The following WASHC2A variants were observed in gnomAD, a reference collection of about 807,000 sequenced individuals.
The protein encoded by WASHC2A is WASH complex subunit 2A, also known as WASH complex subunit FAM21A.
Under a neutral mutation model 140.3 loss-of-function variants are expected in WASHC2A, and 82 were observed. The observed-to-expected ratio is 0.58, with a 90% CI of 0.49 to 0.70. WASHC2A has a LOEUF of 0.70. Ranked by LOEUF, WASHC2A falls within the 30% of genes least tolerant of loss-of-function variation. WASHC2A has a pLI of 0.00. For missense variants in WASHC2A, 985 were observed against 1,521.8 expected, an observed-to-expected ratio of 0.65 and a Z score of 5.87; for synonymous variants, 340 against 560.8, an observed-to-expected ratio of 0.61 and a Z score of 5.56.
rs1842161307 is a variant in WASHC2A, at chr10:50,110,194, G to T, written c.1963G>T (p.Glu655Ter). Residue 655 changes from glutamate to a stop codon, truncating the protein, a stop_gained, in exon 20 of 31, where the codon GAG becomes TAG. Transcript: ENST00000282633. LOFTEE classifies it high-confidence loss of function. ...GGATTCTGGGACCCTCCAGAGCCAG[G>T]AGGCCAAGGCTGTGAAAAAGACCAG... The part of the protein sequence containing the change: ...PRDSGTLQSQ[E>*]AKAVKKTSLF... 6.2e-7 allele frequency: 1 copy of T among 1,611,776 alleles called. No homozygotes were observed. The highest frequency in any genetic ancestry group is 2.2e-5 in the East Asian group (1 of 44,874).
Position 50,129,645 on chromosome 10 carries a change from G to C in WASHC2A, c.3314G>C (p.Gly1105Ala). 6.2e-7 allele frequency: 1 copy of C among 1,612,096 alleles called. No individual in the cohort carries two copies. Among genetic ancestry groups the C allele is most frequent in the African/African-American group, 1.3e-5 (1 of 75,002 alleles). ...ALAAAAAPWEGGPVPGVDRSP... is the reference protein window; with the variant it reads ...ALAAAAAPWEAGPVPGVDRSP... ...GCAGCTGCCGCTGCACCTTGGGAAG[G>C]TGGTCCTGTGCCTGGAGTGGACAGA... The change falls in exon 29 of 31, where the codon GGT becomes GCT. Residue 1105 changes from glycine (G) to alanine (A), a missense_variant. Physicochemically the swap from Gly to Ala is moderately conservative, Grantham distance 60 (BLOSUM62 0). Coordinates refer to ENST00000282633, the MANE Select transcript of WASHC2A (RefSeq NM_001005751.3).
At position 50,072,397 on chromosome 10, in the gene WASHC2A, G is replaced by A. The variant is rs184441796; in HGVS notation, c.291+2686G>A. Among the ~76,000 whole-genome samples the A allele has an allele frequency of 1.6e-3, 237 of 150,480 alleles. 1 individual carries two copies. Among genetic ancestry groups the A allele is most frequent in the African/African-American group, 5.5e-3 (225 of 41,002 alleles). ...ATAGGTTTTTTTAATTTGTGGCAAA[G>A]CATGATAATACTGAGAAAACAGCTA... On this transcript the variant is annotated intron_variant, in intron 3 of 30. Coordinates refer to ENST00000282633, the MANE Select transcript of WASHC2A (RefSeq NM_001005751.3).
At chr10:50,078,904 T>C (rs1197591991) in intron 4 of WASHC2A, among the ~76,000 whole-genome samples, 167 bp downstream of exon 4, 1 of 152,240 alleles carries the variant, frequency 6.6e-6, no homozygotes, top group Non-Finnish European at 1.5e-5. Flanking sequence ...TGAAATGTAG[T>C]GTATTAACTA....
intron 29 of WASHC2A, among the ~76,000 whole-genome samples, 169 bp from the exon 30 acceptor site, chr10:50,130,732 G>A (rs1484505112): frequency 1.2e-4 from 18 of 152,310 alleles, no homozygotes; most frequent in East Asian, 3.9e-4. Flanking sequence ...TGAGATGGGC[G>A]GGCCAAGCTG....
At chr10:50,121,395 CTT>C (rs879039985) in intron 23 of WASHC2A, among the ~76,000 whole-genome samples, 49 of 132,472 alleles carry the variant, frequency 3.7e-4, no homozygotes, top group Admixed American at 3.7e-4. Context: ...TAGTAACTTT[CTT>C]TTTTTTTTTT....
intron 23 of WASHC2A, 38 bp from the exon 24 acceptor site, chr10:50,125,075 C>T (rs1215954921): frequency 6.2e-7 from 1 of 1,609,604 alleles, no homozygotes; most frequent in African/African-American, 1.3e-5. Context: ...TAAGTTCTTA[C>T]AGCTCTAATC....
At chr10:50,073,396 T>A (rs1554876882) in intron 3 of WASHC2A, among the ~76,000 whole-genome samples, 1 of 152,070 alleles carries the variant, frequency 6.6e-6, no homozygotes. Flanking sequence ...TATACATAAC[T>A]CTGACAAGCT....
intron 17 of WASHC2A, among the ~76,000 whole-genome samples, chr10:50,101,047 T>C (rs1841094863): frequency 6.6e-6 from 1 of 152,308 alleles, no homozygotes; most frequent in South Asian, 2.1e-4. Context: ...TAGGCTGTCA[T>C]GGTTGGGCTT....
In WASHC2A at chr10:50,129,945, A is replaced by G; in HGVS notation, c.3614A>G (p.Glu1205Gly). 1 of 1,612,018 alleles carries G rather than the reference A, an allele frequency of 6.2e-7. No individual in the cohort carries two copies. Among genetic ancestry groups the G allele is most frequent in the Non-Finnish European group, 8.5e-7 (1 of 1,179,860 alleles). The change falls in exon 29 of 31, where the codon GAG becomes GGG. Residue 1205 changes from glutamate to glycine, a missense_variant. Transcript: ENST00000282633. ...AATCCCTTTCCTCTCCTGGAAGATG[A>G]GGATGACCTCTTTACAGATCAGAAA... ...KTNPFPLLED[E>G]DDLFTDQKVK...
rs1837606301 is a variant in WASHC2A at position 50,069,539 on chromosome 10, T to A, written c.127-8T>A. 1.2e-6 allele frequency: 2 copies of A among 1,611,044 alleles called. No homozygotes were observed. The highest frequency in any genetic ancestry group is 1.7e-6 in the Non-Finnish European group (2 of 1,178,820). On this transcript the variant is annotated splice_polypyrimidine_tract_variant and splice_region_variant and intron_variant, in intron 2 of 30. Coordinates refer to ENST00000282633, the MANE Select transcript of WASHC2A (RefSeq NM_001005751.3). ...TTGATACTACTGTATGTTTATTTTT[T>A]AAAATAGCTACTACAGTTTCTACAG...
intron 18 of WASHC2A, among the ~76,000 whole-genome samples, chr10:50,106,082 A>G (rs1277044512): frequency 2.7e-5 from 4 of 150,696 alleles, no homozygotes; most frequent in African/African-American, 7.3e-5. Context: ...TCATGATCTC[A>G]TTTGCATGTT....
intron 27 of WASHC2A, 101 bp downstream of exon 27, chr10:50,127,323 C>A: frequency 6.3e-7 from 1 of 1,599,638 alleles, no homozygotes; most frequent in Non-Finnish European, 8.6e-7. Flanking sequence ...CTTCTCATCT[C>A]TTCCCCCGCC....
chr10:50,120,701 A>T (rs1589271310), intron 23 of WASHC2A, among the ~76,000 whole-genome samples: 1 of 147,660 alleles, frequency 6.8e-6, no homozygotes, highest in Admixed American at 6.6e-5. Context: ...CAGTGACATC[A>T]CCAGAAAGCT....
At chr10:50,097,381 T>A (rs1840587437) in intron 15 of WASHC2A, among the ~76,000 whole-genome samples, 1 of 151,432 alleles carries the variant, frequency 6.6e-6, no homozygotes. Context: ...TCTAGATCTC[T>A]CTTCACCTTG....
intron 16 of WASHC2A, among the ~76,000 whole-genome samples, chr10:50,098,931 T>C (rs1408978076): frequency 6.6e-6 from 1 of 150,766 alleles, no homozygotes; most frequent in Non-Finnish European, 1.5e-5. Flanking sequence ...CACTTGGTTG[T>C]TAGGGTGCCC....
chr10:50,097,320 C>T (rs1482347576), intron 15 of WASHC2A, among the ~76,000 whole-genome samples: 3 of 151,748 alleles, frequency 2.0e-5, no homozygotes, highest in Admixed American at 6.6e-5. Context: ...CTTCATTTCT[C>T]AGATTCCTTA....
At position 50,127,187 on chromosome 10, in the gene WASHC2A, A is replaced by G; in HGVS notation, c.2839A>G (p.Thr947Ala). The change falls in exon 27 of 31, where the codon ACC becomes GCC. Residue 947 changes from threonine (T) to alanine (A), a missense_variant. Transcript: ENST00000282633. Reference sequence around the variant, plus strand: ...CTCATCAGGTCTCGCTCCATTTAAAACCAAAGAACCATCCACTCGGATCGG... The same window carrying G: ...CTCATCAGGTCTCGCTCCATTTAAAGCCAAAGAACCATCCACTCGGATCGG... The part of the protein sequence containing the change: ...QDSSGLAPFK[T>A]KEPSTRIGKI... 2 of 1,612,050 alleles carry G rather than the reference A, an allele frequency of 1.2e-6. No homozygotes were observed. The highest frequency in any genetic ancestry group is 2.2e-5 in the East Asian group (1 of 44,886).
Position 50,095,483 on chromosome 10 carries a change from T to C in WASHC2A, c.1241-116T>C, listed in dbSNP as rs1213692400. The C allele has an allele frequency of 2.8e-6, 4 of 1,413,240 alleles. No homozygotes were observed. The Admixed American group carries it at 6.0e-5, about 21-fold the overall frequency. The allele number at this position is 1,413,240 out of a possible 1,614,324, so 87.5% of individuals were successfully genotyped here. ...GGATGGAGGCTATTGGGCCCTGTTA[T>C]GCATTTTGTGGATTAACTGAAATGG... On this transcript the variant is annotated intron_variant, in intron 14 of 30. Transcript: ENST00000282633.
At chr10:50,110,892 C>CAAAAAAAA (rs1239943523) in intron 20 of WASHC2A, among the ~76,000 whole-genome samples, 1 of 69,726 alleles carries the variant, frequency 1.4e-5, no homozygotes, top group African/African-American at 5.4e-5. Flanking sequence ...GACTCCATCT[C>CAAAAAAAA]AAAAAAAAAA....
Sources: gnomAD v4.1 joint callset for allele counts (sites outside exome capture counted in the v4.1 genomes callset) on GRCh38, gnomAD v4.1.1 for gene constraint, MANE v1.5 for transcripts, NCBI Gene and HGNC (gene_info 2026-07-23, HGNC 2026-07-21) for gene names.